Variants in PDE1C observed in about 807,000 individuals in gnomAD.
The protein encoded by PDE1C is dual specificity calcium/calmodulin-dependent 3',5'-cyclic nucleotide phosphodiesterase 1C.
In PDE1C, 62 loss-of-function variants were observed where a neutral mutation model predicts 93.1. That is an observed-to-expected ratio of 0.67 (90% CI 0.54 to 0.82). The LOEUF is 0.82. Ranked by LOEUF, PDE1C falls within the 40% of genes least tolerant of loss-of-function variation. The pLI, the probability that PDE1C is intolerant of heterozygous loss-of-function variation, is 0.00. For synonymous variants in PDE1C, 325 were observed against 310.1 expected, an observed-to-expected ratio of 1.05 and a Z score of -0.50; for missense variants, 742 against 884.6, an observed-to-expected ratio of 0.84 and a Z score of 2.04.
intron 2 of PDE1C, among the ~76,000 whole-genome samples, chr7:32,047,393 T>C (rs539034467): frequency 6.6e-6 from 1 of 152,238 alleles, no homozygotes; most frequent in Admixed American, 6.5e-5. Flanking sequence ...AGCAAAAGGA[T>C]AGTTCCCCTT....
intron 2 of PDE1C, among the ~76,000 whole-genome samples, chr7:32,207,153 C>T (rs1805634042): frequency 6.6e-6 from 1 of 152,074 alleles, no homozygotes; most frequent in Non-Finnish European, 1.5e-5. Context: ...CAGCATCCAC[C>T]ACCAGAAGCA....
At chr7:32,173,736 T>G (rs1802800833) in intron 2 of PDE1C, among the ~76,000 whole-genome samples, 1 of 152,162 alleles carries the variant, frequency 6.6e-6, no homozygotes, top group South Asian at 2.1e-4. Context: ...AATTCCTCCC[T>G]GAGACCTTGG....
At chr7:32,341,173 C>T (rs373950781) in intron 1 of PDE1C, among the ~76,000 whole-genome samples, 35 of 84,926 alleles carry the variant, frequency 4.1e-4, no homozygotes, top group African/African-American at 5.2e-4. Flanking sequence ...GAAATAAAGT[C>T]TTTTTTTTTT....
Position 32,340,258 on chromosome 7 carries a change from A to G in PDE1C, c.310+87564T>C, listed in dbSNP as rs1238174808. ...TTGAGCAAAATGTCTTCAGAGCTAA[A>G]AAGGTCAAGGAAATAAAGAGTTCCC... On this transcript the variant is annotated intron_variant, in intron 1 of 1. Transcript: ENST00000672256. Among the ~76,000 whole-genome samples the G allele has an allele frequency of 1.3e-5, 2 of 152,168 alleles. 1 individual carries two copies. The highest frequency in any genetic ancestry group is 2.9e-5 in the Non-Finnish European group (2 of 68,034).
At chr7:32,093,776 C>G (rs1797603180) in intron 3 of PDE1C, among the ~76,000 whole-genome samples, 2 of 152,236 alleles carry the variant, frequency 1.3e-5, no homozygotes, top group African/African-American at 4.8e-5. Flanking sequence ...TGGCTTTGAG[C>G]AGCTAGCCCA....
the PDE1C span, among the ~76,000 whole-genome samples, chr7:31,676,366 C>T: frequency 6.6e-6 from 1 of 152,058 alleles, no homozygotes; most frequent in Non-Finnish European, 1.5e-5. Context: ...ACACTAAGAG[C>T]ATTCTCTGAC....
intron 16 of PDE1C, chr7:31,790,309 C>G: frequency 6.6e-7 from 1 of 1,517,414 alleles, no homozygotes; most frequent in Non-Finnish European, 9.1e-7. Context: ...CCTTTCCCCC[C>G]GCCCACCTCC....
At chr7:31,902,542 CTTTGA>C (rs1392644479) in intron 2 of PDE1C, among the ~76,000 whole-genome samples, 1 of 151,684 alleles carries the variant, frequency 6.6e-6, no homozygotes, top group Non-Finnish European at 1.5e-5. Flanking sequence ...TGTAGGTATC[CTTTGA>C]TTTAAAAATT....
chr7:31,702,116 T>C, the PDE1C span, among the ~76,000 whole-genome samples: 16 of 152,202 alleles, frequency 1.1e-4, no homozygotes, highest in African/African-American at 3.6e-4. Context: ...ATTAGTCTTA[T>C]TAGTTTAGTC....
intron 2 of PDE1C, among the ~76,000 whole-genome samples, chr7:32,014,400 T>A (rs1787591466): frequency 6.6e-6 from 1 of 152,222 alleles, no homozygotes; most frequent in Admixed American, 6.5e-5. Flanking sequence ...AAATCTAGTT[T>A]GTGTAGAAGC....
At chr7:31,923,119 G>C (rs1802842709) in intron 2 of PDE1C, among the ~76,000 whole-genome samples, 1 of 152,174 alleles carries the variant, frequency 6.6e-6, no homozygotes, top group African/African-American at 2.4e-5. Flanking sequence ...AAACACTGCA[G>C]GGAGGCCTCT....
Position 32,307,534 on chromosome 7 carries a change from C to T in PDE1C, c.311-97995G>A, listed in dbSNP as rs77791998. Reference sequence around the variant, plus strand: ...AAAGAAGGTTTGGTAAACACAGATACTTTGAAACCCTATCCTCTCCACTGT... The same window carrying T: ...AAAGAAGGTTTGGTAAACACAGATATTTTGAAACCCTATCCTCTCCACTGT... On this transcript the variant is annotated intron_variant, in intron 1 of 1. Coordinates refer to the PDE1C transcript ENST00000672256. 6.3e-3 allele frequency among the ~76,000 whole-genome samples: 966 copies of T among 152,268 alleles called. 2 individuals are homozygous for T. The highest frequency in any genetic ancestry group is 0.011 in the Non-Finnish European group (733 of 68,014).
At chr7:32,053,208 C>T (rs1302171602) in intron 1 of PDE1C, among the ~76,000 whole-genome samples, 1 of 152,108 alleles carries the variant, frequency 6.6e-6, no homozygotes, top group Non-Finnish European at 1.5e-5. Context: ...AATCAGAGCC[C>T]CTCTTCTGAG....
chr7:31,759,900 TTCTCTCTC>T (rs149922505), intron 17 of PDE1C, among the ~76,000 whole-genome samples: 1 of 151,036 alleles, frequency 6.6e-6, no homozygotes, highest in Non-Finnish European at 1.5e-5. Flanking sequence ...CATTCTCTCT[TTCTCTCTC>T]TCTCTCTCAT....
chr7:31,631,289 C>CAT, the PDE1C span, among the ~76,000 whole-genome samples: 1 of 152,044 alleles, frequency 6.6e-6, no homozygotes, highest in Non-Finnish European at 1.5e-5. Flanking sequence ...CATATGCGTG[C>CAT]GTGCACACAC....
At chr7:32,093,331 G>T (rs1357760863) in intron 3 of PDE1C, among the ~76,000 whole-genome samples, 9 of 152,162 alleles carry the variant, frequency 5.9e-5, no homozygotes, top group Admixed American at 5.9e-4. Flanking sequence ...ACCTCTTCCA[G>T]CTGACTCTCA....
chr7:32,042,098 G>A (rs898314755), intron 2 of PDE1C, among the ~76,000 whole-genome samples: 3 of 152,238 alleles, frequency 2.0e-5, no homozygotes, highest in Non-Finnish European at 4.4e-5. Context: ...TCAGGAGTTT[G>A]AGACCAGCCT....
intron 1 of PDE1C, among the ~76,000 whole-genome samples, chr7:32,406,000 T>C (rs971544290): frequency 7.2e-5 from 11 of 152,162 alleles, no homozygotes; most frequent in Admixed American, 3.9e-4. Context: ...TCAAAGAACC[T>C]TTCATGTCCA....
At chr7:32,100,612 AT>A (rs1400651219) in intron 3 of PDE1C, among the ~76,000 whole-genome samples, 3 of 152,218 alleles carry the variant, frequency 2.0e-5, no homozygotes, top group Admixed American at 6.5e-5. Context: ...TGACTCATTC[AT>A]AACCCACCTA....
Sources: allele counts gnomAD v4.1 joint callset (sites outside exome capture counted in the v4.1 genomes callset), GRCh38; gene constraint gnomAD v4.1.1; transcripts MANE v1.5; gene names NCBI Gene and HGNC (gene_info 2026-07-23, HGNC 2026-07-21).